FAM53B: variants seen among roughly 807,000 people sequenced by gnomAD.
The protein encoded by FAM53B is family with sequence similarity 53 member B.
In FAM53B, 12 loss-of-function variants were observed where a neutral mutation model predicts 32.7. That is an observed-to-expected ratio of 0.37 (90% CI 0.24 to 0.59). FAM53B has a LOEUF of 0.59. Ranked by LOEUF, FAM53B falls within the 20% of genes least tolerant of loss-of-function variation. The probability of loss-of-function intolerance (pLI) is 0.72; values close to 1 mark genes in which losing one functional copy is unlikely to be tolerated. For missense variants in FAM53B, 477 were observed against 577.7 expected, an observed-to-expected ratio of 0.83 and a Z score of 1.79; for synonymous variants, 234 against 228.7, an observed-to-expected ratio of 1.02 and a Z score of -0.21.
intron 2 of FAM53B, 89 bp from the exon 3 acceptor site, chr10:124,696,301 A>G: frequency 1.8e-6 from 2 of 1,106,978 alleles, no homozygotes; most frequent in Non-Finnish European, 2.8e-6. Context: ...AGTCACAATA[A>G]AAGGGTGACT....
At chr10:124,667,522 T>G (rs1330422774) in intron 4 of FAM53B, 1 of 709,490 alleles carries the variant, frequency 1.4e-6, no homozygotes, top group East Asian at 2.7e-5. Context: ...ACTCCACCTG[T>G]GTGGTCAGAG....
chr10:124,737,715 T>A (rs1203202268), intron 1 of FAM53B, among the ~76,000 whole-genome samples: 1 of 152,050 alleles, frequency 6.6e-6, no homozygotes, highest in Non-Finnish European at 1.5e-5. Context: ...TAATCCTGAG[T>A]ATGTTCACAG....
At chr10:124,674,826 G>T (rs1165598614) in intron 4 of FAM53B, among the ~76,000 whole-genome samples, 1 of 152,202 alleles carries the variant, frequency 6.6e-6, no homozygotes, top group Non-Finnish European at 1.5e-5. Flanking sequence ...GCGCCTGCTA[G>T]GGCCTCCCAA....
intron 3 of FAM53B, among the ~76,000 whole-genome samples, chr10:124,691,170 C>T (rs990268365): frequency 6.6e-6 from 1 of 152,192 alleles, no homozygotes; most frequent in Non-Finnish European, 1.5e-5. Flanking sequence ...TCCTCCCCAG[C>T]TCAACACAGC....
At chr10:124,672,083 T>C (rs756909076) in intron 4 of FAM53B, among the ~76,000 whole-genome samples, 9 of 152,216 alleles carry the variant, frequency 5.9e-5, no homozygotes, top group Non-Finnish European at 1.3e-4. Flanking sequence ...AATTCTCTAC[T>C]GATGCAGTGC....
At chr10:124,627,417 G>A (rs1413226854) in intron 4 of FAM53B, among the ~76,000 whole-genome samples, 4 of 152,226 alleles carry the variant, frequency 2.6e-5, no homozygotes, top group Admixed American at 1.3e-4. Flanking sequence ...GCAAAAAGCC[G>A]CAAAATGGCT....
intron 3 of FAM53B, among the ~76,000 whole-genome samples, chr10:124,688,188 C>T (rs534127853): frequency 5.3e-5 from 8 of 152,168 alleles, no homozygotes; most frequent in African/African-American, 9.7e-5. Context: ...CCTGAGAACA[C>T]GCAAGGGCCC....
intron 1 of FAM53B, among the ~76,000 whole-genome samples, chr10:124,709,096 T>C (rs573457823): frequency 2.0e-5 from 3 of 152,312 alleles, no homozygotes; most frequent in South Asian, 2.1e-4. Context: ...AGCAGTTTCA[T>C]GGGGGAGGCT....
chr10:124,620,364 A>ACCCCCC lies in FAM53B; in HGVS notation c.*2877_*2878insGGGGGG, dbSNP rs1390136160. On this transcript the variant is annotated 3_prime_UTR_variant, in exon 5 of 5. Coordinates refer to ENST00000337318, the MANE Select transcript of FAM53B (RefSeq NM_014661.4). The stretch of plus-strand genomic sequence containing the variant: ...GTGCATGTGGCACTAAGCCCCCCCC[A>ACCCCCC]CCGCCCCGGCTTTCCTGCAGGCTTA... 1 of 135,408 alleles carries ACCCCCC rather than the reference A, an allele frequency of 7.4e-6. No homozygotes were observed. Among genetic ancestry groups the ACCCCCC allele is most frequent in the South Asian group, 2.7e-4 (1 of 3,712 alleles). 8.4% of individuals were successfully genotyped at this position (135,408 alleles called of 1,614,324 possible).
intron 4 of FAM53B, among the ~76,000 whole-genome samples, chr10:124,661,798 T>A (rs1318519831): frequency 3.9e-5 from 6 of 152,244 alleles, no homozygotes; most frequent in Non-Finnish European, 7.3e-5. Flanking sequence ...TCAGTAATGA[T>A]CCAATCTTAG....
intron 1 of FAM53B, among the ~76,000 whole-genome samples, chr10:124,736,041 C>T (rs1404048645): frequency 6.6e-6 from 1 of 152,278 alleles, no homozygotes; most frequent in East Asian, 1.9e-4. Flanking sequence ...AGGTGGCATG[C>T]AGCCGACCAT....
intron 3 of FAM53B, among the ~76,000 whole-genome samples, chr10:124,690,420 A>C (rs1016919066): frequency 1.1e-4 from 16 of 152,246 alleles, no homozygotes; most frequent in African/African-American, 3.1e-4. Context: ...ATGCTCTTGC[A>C]GTTGGGCCAG....
intron 1 of FAM53B, among the ~76,000 whole-genome samples, chr10:124,741,485 A>C (rs1438524333): frequency 2.8e-4 from 43 of 152,154 alleles, no homozygotes; most frequent in Non-Finnish European, 2.9e-5. Flanking sequence ...GCCAGCTCCT[A>C]ATATTTAAAC....
At chr10:124,706,255 A>G (rs1043855892) in intron 2 of FAM53B, among the ~76,000 whole-genome samples, 5 of 152,120 alleles carry the variant, frequency 3.3e-5, no homozygotes, top group African/African-American at 9.7e-5. Context: ...CACCCTTCAG[A>G]GGGACAGGCT....
chr10:124,632,445 T>A, intron 4 of FAM53B, among the ~76,000 whole-genome samples: 1 of 152,232 alleles, frequency 6.6e-6, no homozygotes, highest in Non-Finnish European at 1.5e-5. Context: ...GCTAATGTAC[T>A]GCCTGCGCCC....
chr10:124,703,158 C>A (rs920356630), intron 2 of FAM53B, among the ~76,000 whole-genome samples: 9 of 152,192 alleles, frequency 5.9e-5, no homozygotes, highest in African/African-American at 2.2e-4. Flanking sequence ...CATTCTCCTG[C>A]CTCAGCCTCC....
At chr10:124,684,270 A>T (rs1489352898) in intron 3 of FAM53B, among the ~76,000 whole-genome samples, 2 of 152,216 alleles carry the variant, frequency 1.3e-5, no homozygotes, top group African/African-American at 4.8e-5. Context: ...TTCATCATAC[A>T]TCGTTCATCT....
chr10:124,651,757 C>T lies in FAM53B; in HGVS notation c.907-28153G>A, dbSNP rs902089317. On this transcript the variant is annotated intron_variant, in intron 4 of 4. Transcript: ENST00000337318. This position sits in a 1 kb window ranked among gnomAD's most constrained non-coding sequence, Gnocchi z 5.2. The stretch of plus-strand genomic sequence containing the variant: ...CAGATGTCTAGCCCCTGCCTCAGGT[C>T]GGCAGTGACTGGGCACTGGCACATG... Among the ~76,000 whole-genome samples the T allele has an allele frequency of 6.6e-6, 1 of 152,220 alleles. No individual in the cohort carries two copies. Among genetic ancestry groups the T allele is most frequent in the Admixed American group, 6.5e-5 (1 of 15,290 alleles).
chr10:124,697,123 G>A (rs533643322), intron 2 of FAM53B, among the ~76,000 whole-genome samples: 103 of 152,244 alleles, frequency 6.8e-4, no homozygotes, highest in African/African-American at 2.5e-3. Context: ...AGAGCCCCAG[G>A]AAGGAGCTCT....
Sources: allele counts gnomAD v4.1 joint callset (sites outside exome capture counted in the v4.1 genomes callset), GRCh38; gene constraint gnomAD v4.1.1; non-coding constraint Gnocchi (gnomAD v3.1); transcripts MANE v1.5; gene names NCBI Gene and HGNC (gene_info 2026-07-23, HGNC 2026-07-21).